Variants in TBCD observed in about 807,000 individuals in gnomAD.
TBCD encodes tubulin folding cofactor D.
A neutral mutation model predicts 169.3 loss-of-function variants in TBCD; 105 were observed. The observed-to-expected ratio is 0.62, with a 90% CI of 0.53 to 0.73. The LOEUF (loss-of-function observed/expected upper bound fraction) is 0.73, where lower values mean the gene tolerates loss of function less well. Among genes scored for constraint, TBCD ranks in the 30% least tolerant of loss-of-function variants. The probability of loss-of-function intolerance (pLI) is 0.00; values close to 1 mark genes in which losing one functional copy is unlikely to be tolerated. For missense variants in TBCD, 1,444 were observed against 1,600.1 expected (o/e 0.90, Z 1.66); for synonymous variants, 700 against 643.9 (o/e 1.09, Z -1.32).
chr17:82,786,617 G>A (rs1264777743), intron 7 of TBCD, among the ~76,000 whole-genome samples: 3 of 152,218 alleles, frequency 2.0e-5, no homozygotes, highest in Admixed American at 6.5e-5. Flanking sequence ...TTGCAGGCAG[G>A]TGAGGCGTGC....
In TBCD at chr17:82,930,077, G is replaced by A. The variant is rs935161274; in HGVS notation, c.2992-445G>A. 5 of 252,896 alleles carry A rather than the reference G, an allele frequency of 2.0e-5. No individual in the cohort carries two copies. Among genetic ancestry groups the A allele is most frequent in the Non-Finnish European group, 3.1e-5 (4 of 129,202 alleles). The allele number at this position is 252,896 out of a possible 1,614,324, so 15.7% of individuals were successfully genotyped here. On this transcript the variant is annotated intron_variant, in intron 32 of 38. Transcript: ENST00000355528. The surrounding 1 kb of genome is among the most constrained non-coding windows in gnomAD (Gnocchi z 5.2). ...GAGGTGCCCTCTGCGCCGTGTGGGCGCGTGCGGGGAGACCCGGGCCCCAGG... is the reference window on the plus strand; with the variant it reads ...GAGGTGCCCTCTGCGCCGTGTGGGCACGTGCGGGGAGACCCGGGCCCCAGG...
intron 11 of TBCD, 105 bp downstream of exon 11, chr17:82,807,773 C>T (rs1012206848): frequency 2.4e-5 from 20 of 820,254 alleles, no homozygotes; most frequent in South Asian, 1.4e-4. Context: ...AGCGCGGCCC[C>T]CTCCTCGGCC....
In TBCD at chr17:82,832,042, C is replaced by A; in HGVS notation, c.1318+17108C>A. The A allele has an allele frequency of 6.2e-7, 1 of 1,613,182 alleles. No homozygotes were observed. The highest frequency in any genetic ancestry group is 8.5e-7 in the Non-Finnish European group (1 of 1,179,244). On this transcript the variant is annotated intron_variant, in intron 13 of 38. Transcript: ENST00000355528. The surrounding 1 kb of genome is among the most constrained non-coding windows in gnomAD (Gnocchi z 4.9). ...GGCGGCTTCCGGAGCTGGGCTCTTG[C>A]AGGGTGATGCCCTGTGGAGGGCTGG...
rs775864974 is a variant in TBCD, at chr17:82,768,446, G to A, written c.462G>A (p.Leu154=). 6.2e-7 allele frequency: 1 copy of A among 1,613,860 alleles called. No homozygotes were observed. Among genetic ancestry groups the A allele is most frequent in the African/African-American group, 1.3e-5 (1 of 74,904 alleles). Residue 154 remains leucine (L), a synonymous_variant, in exon 5 of 39, where the codon TTG becomes TTA. Transcript: ENST00000355528. ...CTTGGGAAACCCGCTACATGCTTTT[G>A]CTCTGGCTCTCCGTGACCTGCCTGA... The part of the protein sequence containing the change: ...HEAWETRYML[L]LWLSVTCLIP...
In TBCD at chr17:82,782,595, G is replaced by C. The variant is rs1003442461; in HGVS notation, c.771+874G>C. On this transcript the variant is annotated intron_variant, in intron 7 of 38. Coordinates refer to ENST00000355528, the MANE Select transcript of TBCD (RefSeq NM_005993.5). This position sits in a 1 kb window ranked among gnomAD's most constrained non-coding sequence, Gnocchi z 5.1. The stretch of plus-strand genomic sequence containing the variant: ...GGCCTCAAGTGATCCTCCTGCCTTT[G>C]TGATGATCCCAAAGTGCTGGGATTA... 3.3e-5 allele frequency among the ~76,000 whole-genome samples: 5 copies of C among 152,210 alleles called. No individual in the cohort carries two copies. Among genetic ancestry groups the C allele is most frequent in the African/African-American group, 1.2e-4 (5 of 41,454 alleles).
chr17:82,916,573 T>C (rs1309588485), intron 23 of TBCD, among the ~76,000 whole-genome samples: 2 of 152,288 alleles, frequency 1.3e-5, no homozygotes, highest in Admixed American at 6.5e-5. Flanking sequence ...AATGAAACTT[T>C]AGTTTGCATT....
chr17:82,934,794 C>A (rs190852548), intron 34 of TBCD, among the ~76,000 whole-genome samples: 1 of 151,872 alleles, frequency 6.6e-6, no homozygotes, highest in Admixed American at 6.6e-5. Flanking sequence ...ATATATTTTT[C>A]TGGCTTAAAA....
chr17:82,825,241 G>A (rs1458046646), intron 13 of TBCD, among the ~76,000 whole-genome samples: 1 of 152,050 alleles, frequency 6.6e-6, no homozygotes, highest in East Asian at 1.9e-4. Flanking sequence ...GCGATCAAAT[G>A]GTGTTCTCAG....
At chr17:82,894,162 TTTAGAAATCAGG>T (rs1428791311) in intron 17 of TBCD, among the ~76,000 whole-genome samples, 1 of 56,654 alleles carries the variant, frequency 1.8e-5, no homozygotes, top group Non-Finnish European at 3.4e-5. Flanking sequence ...TAAGAGGTAT[TTTAGAAATCAGG>T]TTAGAAACAA....
Position 82,752,210 on chromosome 17 carries a change from AAC to A in TBCD, c.18_19del (p.Glu6AspfsTer73). 1 of 1,522,346 alleles carries A rather than the reference AAC, an allele frequency of 6.6e-7. No homozygotes were observed. The highest frequency in any genetic ancestry group is 8.8e-7 in the Non-Finnish European group (1 of 1,137,384). 94.3% of individuals were successfully genotyped at this position (1,522,346 alleles called of 1,614,324 possible). Reference sequence around the variant, plus strand: ...GCTGCCGAGATGGCCCTGAGCGACGAACCGGCCGCGGGCGGCCCCGAGGAGGA... The same window carrying A: ...GCTGCCGAGATGGCCCTGAGCGACGACGGCCGCGGGCGGCCCCGAGGAGGA... On this transcript the variant is annotated frameshift_variant, in exon 1 of 39. Coordinates refer to ENST00000355528, the MANE Select transcript of TBCD (RefSeq NM_005993.5). LOFTEE classifies it high-confidence loss of function.
Position 82,930,319 on chromosome 17 carries a change from G to A in TBCD, c.2992-203G>A, listed in dbSNP as rs57484547. The A allele has an allele frequency of 1.2e-5, 8 of 655,294 alleles. 1 individual carries two copies. In the Admixed American group the frequency reaches 1.3e-4, roughly 10 times the overall value. The allele number at this position is 655,294 out of a possible 1,614,324, so 40.6% of individuals were successfully genotyped here. A position where few individuals can be genotyped will look rare whatever the true frequency, so the allele number is the denominator to read the frequency against. On this transcript the variant is annotated intron_variant, in intron 32 of 38. Coordinates refer to ENST00000355528, the MANE Select transcript of TBCD (RefSeq NM_005993.5). The surrounding 1 kb of genome is among the most constrained non-coding windows in gnomAD (Gnocchi z 5.2). Reference sequence around the variant, plus strand: ...GGGCTCAGGCTGAGCTGCCGTTGCCGAGAGCCTTGTGTCTGCTTCGGGTGT... The same window carrying A: ...GGGCTCAGGCTGAGCTGCCGTTGCCAAGAGCCTTGTGTCTGCTTCGGGTGT...
In TBCD at chr17:82,756,177, A is replaced by G. The variant is rs1179664249; in HGVS notation, c.197A>G (p.Lys66Arg). The change falls in exon 2 of 39, where the codon AAA (lysine) becomes AGA (arginine). Residue 66 changes from lysine (K) to arginine (R), a missense_variant. Lys to Arg is a conservative substitution (Grantham distance 26). Coordinates refer to ENST00000355528, the MANE Select transcript of TBCD (RefSeq NM_005993.5). Reference protein sequence around the residue: ...ALERFRVIMDKYQEQPHLLDP... With the variant: ...ALERFRVIMDRYQEQPHLLDP... ...TATTTGTTTTTAGTAATAATGGACA[A>G]ATACCAGGAGCAGCCTCATCTGTTG... 3 of 1,609,758 alleles carry G rather than the reference A, an allele frequency of 1.9e-6. No homozygotes were observed. The highest frequency in any genetic ancestry group is 1.7e-4 in the Middle Eastern group (1 of 6,056).
intron 20 of TBCD, 133 bp from the exon 21 acceptor site, chr17:82,907,628 C>A: frequency 1.1e-6 from 1 of 929,704 alleles, no homozygotes; most frequent in East Asian, 2.6e-5. Context: ...AGAATGAGAC[C>A]TTGCTGAGCC....
chr17:82,795,110 G>A (rs2050006494), intron 7 of TBCD, among the ~76,000 whole-genome samples: 1 of 152,228 alleles, frequency 6.6e-6, no homozygotes, highest in Non-Finnish European at 1.5e-5. Flanking sequence ...CTGCTGTAGA[G>A]AATGTTGTAC....
At chr17:82,924,884 G>T in intron 26 of TBCD, 55 bp from the exon 27 acceptor site, 1 of 1,424,324 alleles carries the variant, frequency 7.0e-7, no homozygotes, top group Non-Finnish European at 9.7e-7. Context: ...GTCGGGTGTG[G>T]CTGTACACGA....
At chr17:82,758,339 G>A (rs994857951) in intron 2 of TBCD, among the ~76,000 whole-genome samples, 11 of 129,288 alleles carry the variant, frequency 8.5e-5, no homozygotes, top group Non-Finnish European at 1.2e-4. Flanking sequence ...AGCCAAGATC[G>A]TGCCATTGTA....
intron 23 of TBCD, among the ~76,000 whole-genome samples, chr17:82,914,946 T>C (rs1017973335): frequency 6.6e-6 from 1 of 152,224 alleles, no homozygotes; most frequent in African/African-American, 2.4e-5. Flanking sequence ...AGTCCCACAT[T>C]TTTATTTTTC....
chr17:82,766,274 G>T lies in TBCD; in HGVS notation c.341G>T (p.Gly114Val). 6.2e-7 allele frequency: 1 copy of T among 1,610,088 alleles called. No individual in the cohort carries two copies. Among genetic ancestry groups the T allele is most frequent in the Non-Finnish European group, 8.5e-7 (1 of 1,177,950 alleles). Residue 114 changes from glycine (G) to valine (V), a missense_variant, in exon 4 of 39, where the codon GGC becomes GTC. Transcript: ENST00000355528. ...CATCTCTTTATTTGATAGGTTCGAG[G>T]CTATAAAACATTTCTTCGTTTATTT... ...KFLYIITKVRGYKTFLRLFPH... is the reference protein window; with the variant it reads ...KFLYIITKVRVYKTFLRLFPH...
chr17:82,758,384 G>GGAAAAAA (rs1555672563), intron 2 of TBCD, among the ~76,000 whole-genome samples: 1 of 25,016 alleles, frequency 4.0e-5, no homozygotes, highest in African/African-American at 9.9e-5. Flanking sequence ...AAACGTCTCG[G>GGAAAAAA]AAAAAAAAAA....
Sources: gnomAD v4.1 joint callset for allele counts (sites outside exome capture counted in the v4.1 genomes callset) on GRCh38, gnomAD v4.1.1 for gene constraint, Gnocchi (gnomAD v3.1) non-coding constraint, MANE v1.5 for transcripts, NCBI Gene and HGNC (gene_info 2026-07-23, HGNC 2026-07-21) for gene names.